The following TLL2 variants were observed in gnomAD, a reference collection of about 807,000 sequenced individuals.
TLL2 encodes the protein tolloid-like protein 2.
TLL2 carries 106 observed loss-of-function variants against 123.0 expected under a neutral mutation model. The ratio of observed to expected loss-of-function variants is 0.86; its 90% CI spans 0.74 to 1.01. TLL2 has a LOEUF of 1.01. Ranked by LOEUF, TLL2 falls within the 50% of genes least tolerant of loss-of-function variation. TLL2 has a pLI of 0.00. For missense variants in TLL2, 1,332 were observed against 1,336.7 expected (o/e 1.00, Z 0.06); for synonymous variants, 494 against 516.8 (o/e 0.96, Z 0.60).
chr10:96,464,125 A>G (rs780736808), intron 2 of TLL2, among the ~76,000 whole-genome samples: 1 of 152,144 alleles, frequency 6.6e-6, no homozygotes, highest in Non-Finnish European at 1.5e-5. Flanking sequence ...ACACTTTGGG[A>G]GGCTGAGGCA....
chr10:96,488,844 C>T (rs1244347939), intron 1 of TLL2, among the ~76,000 whole-genome samples: 1 of 152,150 alleles, frequency 6.6e-6, no homozygotes, highest in Non-Finnish European at 1.5e-5. Context: ...TATCTGGGAG[C>T]CAAGGATGGA....
Position 96,422,738 on chromosome 10 carries a change from G to A in TLL2, c.639-11C>T, listed in dbSNP as rs760302961. 16 of 1,613,998 alleles carry A rather than the reference G, an allele frequency of 9.9e-6. No homozygotes were observed. The highest frequency in any genetic ancestry group is 1.4e-5 in the Non-Finnish European group (16 of 1,179,992). On this transcript the variant is annotated splice_polypyrimidine_tract_variant and intron_variant, in intron 5 of 20. Coordinates refer to ENST00000357947, the MANE Select transcript of TLL2 (RefSeq NM_012465.4). ...ACATAGGAGCAACAGCTGGACAATT[G>A]CAGGAATACCCAGGTCAGCAGGTCA...
chr10:96,504,105 T>TTC lies in TLL2; in HGVS notation c.175+9405_175+9406insGA, dbSNP rs139528680. Among the ~76,000 whole-genome samples, 1,120 of 152,212 alleles carry TTC rather than the reference T, an allele frequency of 7.4e-3. 18 individuals are homozygous for TTC. Among genetic ancestry groups the TTC allele is most frequent in the African/African-American group, 0.025 (1,042 of 41,520 alleles). ...GTGAGCCCAGGCCATCTCCTGCGAG[T>TTC]GCTCCCATCAACTCCTAGGGGTTGG... On this transcript the variant is annotated intron_variant, in intron 1 of 20. Transcript: ENST00000357947.
chr10:96,376,285 A>C (rs1364181181), intron 18 of TLL2, among the ~76,000 whole-genome samples: 2 of 152,236 alleles, frequency 1.3e-5, no homozygotes, highest in African/African-American at 4.8e-5. Flanking sequence ...TCATTTCTAG[A>C]GTGGAAATGG....
At chr10:96,487,279 T>G (rs1847366194) in intron 1 of TLL2, among the ~76,000 whole-genome samples, 1 of 152,064 alleles carries the variant, frequency 6.6e-6, no homozygotes, top group South Asian at 2.1e-4. Flanking sequence ...GAGTGGTACC[T>G]CTCCAACCTC....
At chr10:96,468,968 T>G (rs1386211648) in intron 2 of TLL2, among the ~76,000 whole-genome samples, 1 of 152,226 alleles carries the variant, frequency 6.6e-6, no homozygotes, top group African/African-American at 2.4e-5. Flanking sequence ...TCTTTTTCCT[T>G]CCCAAAGAGC....
chr10:96,375,822 T>C (rs943402208), intron 18 of TLL2, among the ~76,000 whole-genome samples: 2 of 152,216 alleles, frequency 1.3e-5, no homozygotes, highest in African/African-American at 4.8e-5. Flanking sequence ...CTCCCTGAGT[T>C]ATCGTCCACA....
chr10:96,381,441 C>A (rs1173349870), intron 16 of TLL2, among the ~76,000 whole-genome samples: 1 of 152,166 alleles, frequency 6.6e-6, no homozygotes, highest in African/African-American at 2.4e-5. Context: ...CATGCAGGCC[C>A]ATCTCATCTC....
At chr10:96,490,640 C>T (rs958430626) in intron 1 of TLL2, among the ~76,000 whole-genome samples, 3 of 152,178 alleles carry the variant, frequency 2.0e-5, no homozygotes, top group Admixed American at 2.0e-4. Flanking sequence ...AACAAGTGGA[C>T]TGAACTATAC....
At chr10:96,403,821 A>G (rs1208536075) in intron 10 of TLL2, among the ~76,000 whole-genome samples, 1 of 152,222 alleles carries the variant, frequency 6.6e-6, no homozygotes, top group South Asian at 2.1e-4. Context: ...CATTTGTTCA[A>G]TTCTGAGATA....
At chr10:96,433,605 C>A (rs962092660) in intron 3 of TLL2, among the ~76,000 whole-genome samples, 1 of 152,128 alleles carries the variant, frequency 6.6e-6, no homozygotes, top group African/African-American at 2.4e-5. Context: ...TCCATGGACA[C>A]CAGTCACTGA....
intron 6 of TLL2, 35 bp downstream of exon 6, chr10:96,422,514 C>T (rs773895411): frequency 1.9e-6 from 3 of 1,611,450 alleles, no homozygotes; most frequent in South Asian, 1.1e-5. Flanking sequence ...ACCTTCTCGA[C>T]CGGTGCCTTC....
intron 3 of TLL2, among the ~76,000 whole-genome samples, chr10:96,445,259 C>T (rs1846887538): frequency 6.6e-6 from 1 of 152,232 alleles, no homozygotes; most frequent in Non-Finnish European, 1.5e-5. Flanking sequence ...GACTGTGAAT[C>T]ATGATTCCTG....
intron 13 of TLL2, among the ~76,000 whole-genome samples, chr10:96,388,857 G>A (rs1252982606): frequency 1.3e-5 from 2 of 152,166 alleles, no homozygotes; most frequent in African/African-American, 2.4e-5. Flanking sequence ...GTGAACTTGG[G>A]TAACTCTAAT....
At chr10:96,369,303 CAAT>C (rs1371462033) in intron 20 of TLL2, among the ~76,000 whole-genome samples, 3 of 152,134 alleles carry the variant, frequency 2.0e-5, no homozygotes, top group Non-Finnish European at 2.9e-5. Context: ...CTAAAGAAAT[CAAT>C]AATGAGAACA....
chr10:96,495,650 A>G (rs1847466312), intron 1 of TLL2, among the ~76,000 whole-genome samples: 1 of 152,276 alleles, frequency 6.6e-6, no homozygotes, highest in South Asian at 2.1e-4. Context: ...CCTAAATTTC[A>G]GGACTCTGCA....
Position 96,416,207 on chromosome 10 carries a change from G to T in TLL2, c.924-2891C>A, listed in dbSNP as rs565513636. The stretch of plus-strand genomic sequence containing the variant: ...GTGTCCTTTTGTAATTATTTTCTTG[G>T]TTCCCTTGCAGAAAGGAATTCTGCA... On this transcript the variant is annotated intron_variant, in intron 7 of 20. Transcript: ENST00000357947. Among the ~76,000 whole-genome samples, 147 of 152,200 alleles carry T rather than the reference G, an allele frequency of 9.7e-4. 1 individual carries two copies. Among genetic ancestry groups the T allele is most frequent in the Non-Finnish European group, 1.1e-3 (76 of 68,008 alleles).
chr10:96,513,408 G>A, intron 1 of TLL2, 103 bp downstream of exon 1: 1 of 1,458,170 alleles, frequency 6.9e-7, no homozygotes, highest in Non-Finnish European at 9.3e-7. Flanking sequence ...TCAGGGGAGG[G>A]GAGGGGAGAC....
At chr10:96,388,085 C>G (rs948927950) in intron 13 of TLL2, among the ~76,000 whole-genome samples, 6 of 152,032 alleles carry the variant, frequency 3.9e-5, no homozygotes, top group African/African-American at 7.3e-5. Context: ...GTCCACAGCA[C>G]CACGGAAGGT....
Sources: allele counts gnomAD v4.1 joint callset (sites outside exome capture counted in the v4.1 genomes callset), GRCh38; gene constraint gnomAD v4.1.1; transcripts MANE v1.5; gene names NCBI Gene and HGNC (gene_info 2026-07-23, HGNC 2026-07-21).